The following ZC3H18 variants were observed in gnomAD, a reference collection of about 807,000 sequenced individuals.
The protein encoded by ZC3H18 is zinc finger CCCH domain-containing protein 18.
In ZC3H18, 8 loss-of-function variants were observed where a neutral mutation model predicts 106.1. The observed-to-expected ratio is 0.08, with a 90% CI of 0.04 to 0.14. The LOEUF is 0.14. ZC3H18 is among the 10% of genes least tolerant of loss of function. ZC3H18 has a pLI of 1.00. For missense variants in ZC3H18, 1,318 were observed against 1,278.4 expected (o/e 1.03, Z -0.47); for synonymous variants, 635 against 522.1 (o/e 1.22, Z -2.95).
intron 6 of ZC3H18, among the ~76,000 whole-genome samples, chr16:88,604,752 C>G (rs1410937662): frequency 1.3e-5 from 2 of 152,178 alleles, no homozygotes; most frequent in Non-Finnish European, 2.9e-5. Flanking sequence ...GAATATTCTA[C>G]AAGTCTAATA....
At chr16:88,594,959 C>G (rs915287821) in intron 3 of ZC3H18, among the ~76,000 whole-genome samples, 1 of 152,152 alleles carries the variant, frequency 6.6e-6, no homozygotes, top group African/African-American at 2.4e-5. Context: ...CAAGACTAGC[C>G]TGACCAACAT....
intron 6 of ZC3H18, among the ~76,000 whole-genome samples, chr16:88,604,195 T>C (rs1371470775): frequency 1.3e-5 from 2 of 151,920 alleles, no homozygotes; most frequent in Non-Finnish European, 2.9e-5. Flanking sequence ...CTACAAAATA[T>C]ACAAAAATTA....
At chr16:88,602,327 G>A (rs142339585) in intron 6 of ZC3H18, among the ~76,000 whole-genome samples, 65 of 152,336 alleles carry the variant, frequency 4.3e-4, no homozygotes, top group African/African-American at 8.2e-4. Context: ...GACAGGCTTC[G>A]CATCCAGTGC....
At chr16:88,623,089 G>A (rs758018237) in intron 9 of ZC3H18, 130 bp from the exon 10 acceptor site, 14 of 1,331,008 alleles carry the variant, frequency 1.1e-5, no homozygotes, top group African/African-American at 5.8e-5. Flanking sequence ...AGCTGTGCGC[G>A]CGTGCGCAGC....
chr16:88,622,921 C>T (rs992022604), intron 9 of ZC3H18: 2 of 429,432 alleles, frequency 4.7e-6, no homozygotes, highest in Non-Finnish European at 8.6e-6. Context: ...CACACACGGA[C>T]CCACGTGAGC....
chr16:88,602,832 A>G (rs1325004634), intron 6 of ZC3H18, among the ~76,000 whole-genome samples: 1 of 152,198 alleles, frequency 6.6e-6, no homozygotes, highest in Non-Finnish European at 1.5e-5. Context: ...TAATTGTCAC[A>G]TAGAAGCACC....
chr16:88,627,393 G>A lies in ZC3H18; in HGVS notation c.2109-229G>A, dbSNP rs929761295. The A allele has an allele frequency of 1.8e-5, 9 of 495,842 alleles. No individual in the cohort carries two copies. The highest frequency in any genetic ancestry group is 7.4e-5 in the Admixed American group (2 of 26,966). The allele number at this position is 495,842 out of a possible 1,614,324, so 30.7% of individuals were successfully genotyped here. On this transcript the variant is annotated intron_variant, in intron 13 of 17. Transcript: ENST00000301011. This position sits in a 1 kb window ranked among gnomAD's most constrained non-coding sequence, Gnocchi z 4.5. ...GCTGGGATTACAGGCGTGAGCAGCC[G>A]TGCCTGGCTGCAACCTGACATTGAT...
rs745412168 is a variant in ZC3H18, at chr16:88,624,739, C to A, written c.2036C>A (p.Pro679His). 3 of 1,611,822 alleles carry A rather than the reference C, an allele frequency of 1.9e-6. No homozygotes were observed. Among genetic ancestry groups the A allele is most frequent in the African/African-American group, 1.3e-5 (1 of 74,864 alleles). ...AAGGAGCGGCCAGCCAGGACCCCCC[C>A]CAGGAGGTGAGCACTCCGGCGTCCG... ...RRKERPARTP[P>H]RRRTLSGSGS... The change falls in exon 12 of 18, where the codon CCC becomes CAC. Residue 679 changes from proline (P) to histidine (H), a missense_variant. By Grantham distance (77) the Pro-to-His change is moderately conservative. Transcript: ENST00000301011.
At chr16:88,597,443 C>A (rs982280390) in intron 3 of ZC3H18, among the ~76,000 whole-genome samples, 2 of 152,116 alleles carry the variant, frequency 1.3e-5, no homozygotes, top group Non-Finnish European at 2.9e-5. Context: ...ATACTATATG[C>A]CATATTTGGT....
At chr16:88,573,392 C>G (rs762765425) in intron 1 of ZC3H18, among the ~76,000 whole-genome samples, 2 of 152,058 alleles carry the variant, frequency 1.3e-5, no homozygotes. Flanking sequence ...GACTTACTGC[C>G]ACAACCCCAC....
In ZC3H18 at chr16:88,609,353, A is replaced by G. The variant is rs557970604; in HGVS notation, c.1206+302A>G. 1.5e-4 allele frequency: 30 copies of G among 205,820 alleles called. No homozygotes were observed. The South Asian group carries it at 1.9e-3, about 13-fold the overall frequency. The allele number at this position is 205,820 out of a possible 1,614,324, so 12.7% of individuals were successfully genotyped here. A position where few individuals can be genotyped will look rare whatever the true frequency, so the allele number is the denominator to read the frequency against. On this transcript the variant is annotated intron_variant, in intron 7 of 17. Transcript: ENST00000301011. ...CACTCTGTCACCCAGGCTGGAGTGCAGCGGTGCAATCTCGGCTCACTGCAA... is the reference window on the plus strand; with the variant it reads ...CACTCTGTCACCCAGGCTGGAGTGCGGCGGTGCAATCTCGGCTCACTGCAA...
intron 1 of ZC3H18, among the ~76,000 whole-genome samples, chr16:88,570,781 G>A (rs1252238278): frequency 6.6e-6 from 1 of 152,100 alleles, no homozygotes; most frequent in Non-Finnish European, 1.5e-5. Flanking sequence ...CCGGCCCCGC[G>A]GTCCTGGGGC....
At chr16:88,613,475 G>T (rs1039625089) in intron 8 of ZC3H18, among the ~76,000 whole-genome samples, 1 of 152,132 alleles carries the variant, frequency 6.6e-6, no homozygotes, top group African/African-American at 2.4e-5. Context: ...CGCATAGGAG[G>T]GCGCCATCTC....
chr16:88,625,464 AC>A (rs1416312036), intron 13 of ZC3H18, 197 bp downstream of exon 13: 10 of 575,666 alleles, frequency 1.7e-5, no homozygotes, highest in Non-Finnish European at 3.0e-5. Flanking sequence ...TGATAGGAAG[AC>A]CCCCTCCCCC....
chr16:88,623,727 C>T (rs985897042), intron 10 of ZC3H18: 4 of 698,992 alleles, frequency 5.7e-6, no homozygotes, highest in African/African-American at 5.4e-5. Context: ...GAACGTGACA[C>T]TCGCCTCCCG....
At position 88,586,586 on chromosome 16, in the gene ZC3H18, G is replaced by A. The variant is rs1323379814; in HGVS notation, c.604-14G>A. On this transcript the variant is annotated splice_polypyrimidine_tract_variant and intron_variant, in intron 2 of 17. Transcript: ENST00000301011. ...GATGCCTCCCCCACGCTAAGACGGT[G>A]TTCTCTGTTTCAGGATGATGACCTG... 1.9e-6 allele frequency: 3 copies of A among 1,612,972 alleles called. No homozygotes were observed. The highest frequency in any genetic ancestry group is 1.1e-5 in the South Asian group (1 of 91,064).
In ZC3H18 at chr16:88,598,720, C is replaced by A; in HGVS notation, c.930+8C>A. ...CTCCGGCATGCAAAGGAGGTAAACACAATTCAGCAGAAATCCCGACAAGAA... is the reference window on the plus strand; with the variant it reads ...CTCCGGCATGCAAAGGAGGTAAACAAAATTCAGCAGAAATCCCGACAAGAA... On this transcript the variant is annotated splice_region_variant and intron_variant, in intron 5 of 17. Coordinates refer to ENST00000301011, the MANE Select transcript of ZC3H18 (RefSeq NM_144604.4). 5 of 1,607,748 alleles carry A rather than the reference C, an allele frequency of 3.1e-6. No homozygotes were observed. The highest frequency in any genetic ancestry group is 4.3e-6 in the Non-Finnish European group (5 of 1,176,460).
chr16:88,623,568 C>A, intron 10 of ZC3H18: 1 of 632,146 alleles, frequency 1.6e-6, no homozygotes, highest in Non-Finnish European at 2.7e-6. Context: ...AGGGCCACAG[C>A]CTGAGATCCT....
intron 6 of ZC3H18, among the ~76,000 whole-genome samples, chr16:88,607,081 C>A (rs902580898): frequency 6.6e-6 from 1 of 152,182 alleles, no homozygotes; most frequent in Non-Finnish European, 1.5e-5. Flanking sequence ...CAGGCCCCCC[C>A]CAACCCTGTG....
Sources: allele counts gnomAD v4.1 joint callset (sites outside exome capture counted in the v4.1 genomes callset), GRCh38; gene constraint gnomAD v4.1.1; non-coding constraint Gnocchi (gnomAD v3.1); transcripts MANE v1.5; gene names NCBI Gene and HGNC (gene_info 2026-07-23, HGNC 2026-07-21).